ARHGAP28: variants seen among roughly 807,000 people sequenced by gnomAD.
ARHGAP28 encodes rho GTPase-activating protein 28.
ARHGAP28 carries 56 observed loss-of-function variants against 90.7 expected under a neutral mutation model. The ratio of observed to expected loss-of-function variants is 0.62; its 90% confidence interval spans 0.50 to 0.77. ARHGAP28 has a LOEUF of 0.77. ARHGAP28 is among the 30% of genes least tolerant of loss of function. ARHGAP28 has a pLI of 0.00. For synonymous variants in ARHGAP28, 308 were observed against 323.3 expected (o/e 0.95, Z 0.51); for missense variants, 869 against 900.9 (o/e 0.96, Z 0.45).
intron 1 of ARHGAP28, among the ~76,000 whole-genome samples, chr18:6,760,880 AC>A (rs1409486187): frequency 1.2e-4 from 19 of 152,204 alleles, no homozygotes; most frequent in Admixed American, 7.9e-4. Context: ...ATTTCATGTT[AC>A]TGATTTTACC....
intron 1 of ARHGAP28, among the ~76,000 whole-genome samples, chr18:6,771,614 T>A (rs1489762217): frequency 6.6e-6 from 1 of 152,214 alleles, no homozygotes; most frequent in Non-Finnish European, 1.5e-5. Flanking sequence ...TCGTTACACA[T>A]AATTAATGAA....
chr18:6,898,516 C>T, intron 16 of ARHGAP28: 1 of 1,614,088 alleles, frequency 6.2e-7, no homozygotes, highest in Non-Finnish European at 8.5e-7. Context: ...TCGACAGAGA[C>T]CAACAGGAGC....
rs139185249 is a variant in ARHGAP28, at chr18:6,758,978, T to C, written c.122+29035T>C. On this transcript the variant is annotated intron_variant, in intron 1 of 17. Transcript: ENST00000383472. ...TATTAATGAGCTTTAAAAATCATAC[T>C]TAATCACATATGACACAGTAAAATT... is the stretch of plus-strand genomic sequence containing the variant. Among the ~76,000 whole-genome samples, 933 of 152,334 alleles carry C rather than the reference T, an allele frequency of 6.1e-3. 7 individuals carry two copies. Among genetic ancestry groups the C allele is most frequent in the Non-Finnish European group, 8.7e-3 (591 of 68,026 alleles).
intron 1 of ARHGAP28, among the ~76,000 whole-genome samples, chr18:6,731,845 TC>T (rs1358501925): frequency 2.0e-5 from 3 of 152,226 alleles, no homozygotes; most frequent in Non-Finnish European, 4.4e-5. Flanking sequence ...GATCAATACT[TC>T]CTTTCAAGCC....
At chr18:6,882,575 C>T (rs1201511160) in intron 11 of ARHGAP28, among the ~76,000 whole-genome samples, 2 of 152,314 alleles carry the variant, frequency 1.3e-5, no homozygotes, top group East Asian at 3.9e-4. Context: ...GTTAGCCATG[C>T]AATCAAACCT....
chr18:6,841,467 G>A (rs1356770212), intron 3 of ARHGAP28, among the ~76,000 whole-genome samples: 5 of 150,874 alleles, frequency 3.3e-5, no homozygotes, highest in Non-Finnish European at 1.5e-5. Context: ...AGATAGATAA[G>A]TATAAGATAC....
At chr18:6,791,354 C>G (rs62082805) in intron 1 of ARHGAP28, 1 of 152,040 alleles carries the variant, frequency 6.6e-6, no homozygotes, top group African/African-American at 2.4e-5. Flanking sequence ...CTTCCCCAGC[C>G]CACTGACTCA....
chr18:6,755,125 A>G (rs1240985797), intron 1 of ARHGAP28, among the ~76,000 whole-genome samples: 1 of 152,174 alleles, frequency 6.6e-6, no homozygotes, highest in African/African-American at 2.4e-5. Context: ...GTGAGCCGAG[A>G]TCGCGCCACT....
intron 11 of ARHGAP28, 90 bp downstream of exon 11, chr18:6,882,389 G>A (rs1158701056): frequency 6.1e-6 from 8 of 1,316,176 alleles, no homozygotes; most frequent in African/African-American, 4.4e-5. Flanking sequence ...ATGTGCTCAT[G>A]TATAGATTTG....
At chr18:6,861,461 C>T (rs1344025918) in intron 5 of ARHGAP28, among the ~76,000 whole-genome samples, 1 of 152,162 alleles carries the variant, frequency 6.6e-6, no homozygotes. Context: ...ATACAAGTCT[C>T]GCTTACAGCC....
At chr18:6,801,086 T>G (rs988624738) in intron 1 of ARHGAP28, among the ~76,000 whole-genome samples, 1 of 152,184 alleles carries the variant, frequency 6.6e-6, no homozygotes, top group Admixed American at 6.5e-5. Flanking sequence ...CACAAAGATT[T>G]TTATTTTCTT....
intron 1 of ARHGAP28, among the ~76,000 whole-genome samples, chr18:6,758,058 G>A (rs923503575): frequency 2.0e-5 from 3 of 152,142 alleles, no homozygotes. Context: ...GTATTAAATA[G>A]CTATTTCCCA....
intron 1 of ARHGAP28, among the ~76,000 whole-genome samples, chr18:6,818,948 A>G (rs563503237): frequency 2.0e-5 from 3 of 152,332 alleles, no homozygotes; most frequent in Admixed American, 6.5e-5. Context: ...ACGTGTCCCC[A>G]CTTTGCTCCC....
intron 3 of ARHGAP28, among the ~76,000 whole-genome samples, chr18:6,849,924 T>C (rs2056896629): frequency 6.6e-6 from 1 of 152,196 alleles, no homozygotes; most frequent in African/African-American, 2.4e-5. Flanking sequence ...TGTAATTATT[T>C]CTTTCTCTCC....
chr18:6,818,220 C>T (rs1471481077), intron 1 of ARHGAP28, among the ~76,000 whole-genome samples: 1 of 152,186 alleles, frequency 6.6e-6, no homozygotes, highest in African/African-American at 2.4e-5. Flanking sequence ...CGCATTCAAA[C>T]CTGTGCTAGC....
intron 2 of ARHGAP28, among the ~76,000 whole-genome samples, chr18:6,828,621 A>T (rs770411538): frequency 2.3e-4 from 35 of 152,328 alleles, no homozygotes; most frequent in Middle Eastern, 3.4e-3. Flanking sequence ...GTAAGGGTCT[A>T]GTTTCATTCT....
chr18:6,879,680 A>G (rs1256969593), intron 10 of ARHGAP28, among the ~76,000 whole-genome samples: 1 of 152,238 alleles, frequency 6.6e-6, no homozygotes, highest in African/African-American at 2.4e-5. Context: ...TGGGATTCCC[A>G]TAGTAATGAC....
chr18:6,751,239 C>A (rs2056066587), intron 1 of ARHGAP28, among the ~76,000 whole-genome samples: 2 of 151,704 alleles, frequency 1.3e-5, no homozygotes, highest in South Asian at 4.2e-4. Flanking sequence ...AAATGATACA[C>A]CAAAGAAACA....
intron 6 of ARHGAP28, 101 bp downstream of exon 6, chr18:6,868,335 G>A: frequency 2.0e-6 from 2 of 1,003,766 alleles, no homozygotes; most frequent in Non-Finnish European, 3.0e-6. Context: ...AAGTATAAGT[G>A]TGCTTTTCTC....
Sources: gnomAD v4.1 joint callset for allele counts (sites outside exome capture counted in the v4.1 genomes callset) on GRCh38, gnomAD v4.1.1 for gene constraint, MANE v1.5 for transcripts, NCBI Gene and HGNC (gene_info 2026-07-23, HGNC 2026-07-21) for gene names.